The following MAGEA11 variants were observed in gnomAD, a reference collection of about 807,000 sequenced individuals.
MAGEA11 encodes the protein MAGE family member A11.
In MAGEA11, 1 loss-of-function variant was observed where a neutral mutation model predicts 8.4. The ratio of observed to expected loss-of-function variants is 0.12; its 90% CI spans 0.04 to 0.57. The LOEUF is 0.57. Among genes scored for constraint, MAGEA11 ranks in the 20% least tolerant of loss-of-function variants. MAGEA11 has a pLI of 0.91. For synonymous variants in MAGEA11, 127 were observed against 119.3 expected, an observed-to-expected ratio of 1.06 and a Z score of -0.42; for missense variants, 209 against 317.3, an observed-to-expected ratio of 0.66 and a Z score of 2.59.
At chrX:149,710,597 C>T (rs782223016), upstream of MAGEA11, among the ~76,000 whole-genome samples, 150 of 110,995 alleles carry the variant, frequency 1.4e-3, 2 homozygotes, top group Non-Finnish European at 2.4e-3. Flanking sequence ...TGCAGTCACA[C>T]GCCACCACAC....
At chrX:149,707,408 T>C (rs895728251), upstream of MAGEA11, among the ~76,000 whole-genome samples, 4 of 112,047 alleles carry the variant, frequency 3.6e-5, no homozygotes, top group Admixed American at 3.8e-4. Flanking sequence ...AAATCACCTT[T>C]GGTAGGCTTC....
chrX:149,706,035 G>A (rs886849603), intron 1 of MAGEA11, among the ~76,000 whole-genome samples: 7 of 112,050 alleles, frequency 6.2e-5, no homozygotes, highest in Non-Finnish European at 1.3e-4. Flanking sequence ...CTTTCTGGAA[G>A]CACTCGGTTC....
At chrX:149,703,359 A>G (rs940257774) in intron 1 of MAGEA11, among the ~76,000 whole-genome samples, 4 of 112,459 alleles carry the variant, frequency 3.6e-5, no homozygotes, top group African/African-American at 1.3e-4. Context: ...ATGAAGTGCA[A>G]GCAGTGGTGT....
intron 1 of MAGEA11, among the ~76,000 whole-genome samples, chrX:149,691,149 T>C (rs2090308474): frequency 9.0e-6 from 1 of 111,339 alleles, no homozygotes; most frequent in Admixed American, 9.5e-5. Flanking sequence ...TTTATACATG[T>C]TTATTGTTTT....
intron 1 of MAGEA11, among the ~76,000 whole-genome samples, chrX:149,699,243 C>T (rs193072020): frequency 0.013 from 1,415 of 112,072 alleles, 15 homozygotes; most frequent in Non-Finnish European, 0.02. Context: ...CCCAATTTCT[C>T]CCTCTTGTCT....
chrX:149,707,479 G>T (rs994893212), upstream of MAGEA11, among the ~76,000 whole-genome samples: 1 of 112,045 alleles, frequency 8.9e-6, no homozygotes, highest in Non-Finnish European at 1.9e-5. Flanking sequence ...CCTCAGTAAA[G>T]TGTCTTATCC....
chrX:149,710,564 T>C (rs1475644926), upstream of MAGEA11, among the ~76,000 whole-genome samples: 1 of 111,493 alleles, frequency 9.0e-6, no homozygotes, highest in Non-Finnish European at 1.9e-5. Context: ...TCCTCCCACC[T>C]TAGCCTCCCT....
chrX:149,714,133 A>G (rs2090415378), intron 2 of MAGEA11: 1 of 184,748 alleles, frequency 5.4e-6, no homozygotes, highest in African/African-American at 3.0e-5. Flanking sequence ...GGAGATACCC[A>G]CATCCCATAA....
intron 1 of MAGEA11, among the ~76,000 whole-genome samples, chrX:149,693,912 A>G (rs1160112432): frequency 1.8e-5 from 2 of 112,200 alleles, no homozygotes; most frequent in African/African-American, 6.5e-5. Flanking sequence ...TCATTTTTTT[A>G]AGGATGAATG....
At chrX:149,699,884 G>A (rs188374305) in intron 1 of MAGEA11, among the ~76,000 whole-genome samples, 2 of 112,169 alleles carry the variant, frequency 1.8e-5, no homozygotes, top group East Asian at 2.8e-4. Context: ...ATGGCTAGAA[G>A]GCCTCAGGAA....
At chrX:149,710,882 C>CA (rs781795148), upstream of MAGEA11, among the ~76,000 whole-genome samples, 174 of 110,588 alleles carry the variant, frequency 1.6e-3, no homozygotes, top group African/African-American at 4.8e-3. Flanking sequence ...GAAATCTAAA[C>CA]AAAAAAAACA....
At chrX:149,711,606 C>T (rs782056108), upstream of MAGEA11, among the ~76,000 whole-genome samples, 6 of 111,755 alleles carry the variant, frequency 5.4e-5, no homozygotes, top group East Asian at 1.1e-3. Flanking sequence ...ATGAAAGAAC[C>T]AGTAGCCAAG....
chrX:149,704,853 T>C (rs1219880384), intron 1 of MAGEA11, among the ~76,000 whole-genome samples: 1 of 112,754 alleles, frequency 8.9e-6, no homozygotes, highest in East Asian at 2.8e-4. Flanking sequence ...CTGAGCAGGC[T>C]GGCAACCAGA....
At chrX:149,692,815 T>C (rs1602919830) in intron 1 of MAGEA11, among the ~76,000 whole-genome samples, 1 of 111,826 alleles carries the variant, frequency 8.9e-6, no homozygotes, top group East Asian at 2.8e-4. Flanking sequence ...GTGTTTCCCC[T>C]GCTGTTCTCG....
intron 1 of MAGEA11, among the ~76,000 whole-genome samples, chrX:149,712,715 G>A (rs188125232): frequency 8.9e-6 from 1 of 112,006 alleles, no homozygotes; most frequent in Non-Finnish European, 1.9e-5. Flanking sequence ...TCTCAGGCTG[G>A]GCCGTCCCCT....
chrX:149,715,935 T>C lies in MAGEA11; in HGVS notation c.449T>C (p.Phe150Ser). Reference protein sequence around the residue: ...ALQAEEQEAAFFSSTLNVGTL... With the variant: ...ALQAEEQEAASFSSTLNVGTL... ...CAAGCTGAGGAGCAGGAGGCTGCCTTCTTCTCCTCTACTCTGAATGTGGGC... is the reference window on the plus strand; with the variant it reads ...CAAGCTGAGGAGCAGGAGGCTGCCTCCTTCTCCTCTACTCTGAATGTGGGC... Residue 150 changes from phenylalanine (F) to serine (S), a missense_variant, in exon 5 of 5, where the codon TTC becomes TCC. Transcript: ENST00000355220. 8.3e-7 allele frequency: 1 copy of C among 1,211,338 alleles called. No homozygotes were observed. The highest frequency in any genetic ancestry group is 1.1e-6 in the Non-Finnish European group (1 of 895,347).
upstream of MAGEA11, chrX:149,711,743 C>T (rs782154686): frequency 7.4e-6 from 5 of 678,558 alleles, no homozygotes; most frequent in Admixed American, 3.5e-4. Context: ...CCTCACACCT[C>T]CCGCTCACTG....
Position 149,704,365 on chromosome X carries a change from G to A in MAGEA11, c.10-10116G>A, listed in dbSNP as rs17278912. Among the ~76,000 whole-genome samples the A allele has an allele frequency of 1.8e-3, 201 of 112,413 alleles. 1 individual carries two copies. Among genetic ancestry groups the A allele is most frequent in the African/African-American group, 6.1e-3 (190 of 30,992 alleles). The stretch of plus-strand genomic sequence containing the variant: ...TGGGGATCCAGAGGGGAATGCAGAT[G>A]AGGTGAAGACATTAAAGAGTTAAGT... On this transcript the variant is annotated intron_variant, in intron 1 of 3. Transcript: ENST00000333104.
Position 149,715,740 on chromosome X carries a change from C to T in MAGEA11, c.267-13C>T. The T allele has an allele frequency of 1.7e-6, 2 of 1,201,465 alleles. No homozygotes were observed. Among genetic ancestry groups the T allele is most frequent in the Non-Finnish European group, 2.2e-6 (2 of 890,188 alleles). On this transcript the variant is annotated splice_polypyrimidine_tract_variant and intron_variant, in intron 4 of 4. Coordinates refer to ENST00000355220, the MANE Select transcript of MAGEA11 (RefSeq NM_005366.5). The stretch of plus-strand genomic sequence containing the variant: ...CTCATCTGAGTCTGTTCTCACGCTC[C>T]CTCTCTCCCCAGGCTGTGGGGCCCC...
Sources: allele counts gnomAD v4.1 joint callset (sites outside exome capture counted in the v4.1 genomes callset), GRCh38; gene constraint gnomAD v4.1.1; transcripts MANE v1.5; gene names NCBI Gene and HGNC (gene_info 2026-07-23, HGNC 2026-07-21).